The following KCNH8 variants were observed in gnomAD, a reference collection of about 807,000 sequenced individuals.
KCNH8 encodes the protein potassium voltage-gated channel subfamily H member 8, also known as voltage-gated delayed rectifier potassium channel KCNH8.
In KCNH8, 70 loss-of-function variants were observed where a neutral mutation model predicts 103.6. The ratio of observed to expected loss-of-function variants is 0.68; its 90% confidence interval spans 0.56 to 0.82. The LOEUF is 0.82. Among genes scored for constraint, KCNH8 ranks in the 40% least tolerant of loss-of-function variants. The probability of loss-of-function intolerance (pLI) is 0.00; values close to 1 mark genes in which losing one functional copy is unlikely to be tolerated. For synonymous variants in KCNH8, 498 were observed against 489.4 expected (o/e 1.02, Z -0.23); for missense variants, 1,217 against 1,329.9 (o/e 0.92, Z 1.32).
chr3:19,278,493 T>A (rs1045684450), intron 2 of KCNH8, among the ~76,000 whole-genome samples: 9 of 60,608 alleles, frequency 1.5e-4, no homozygotes, highest in Non-Finnish European at 2.7e-4. Flanking sequence ...AGGAGGGAAA[T>A]GAGGAAGGGA....
intron 15 of KCNH8, among the ~76,000 whole-genome samples, chr3:19,520,016 A>C: frequency 6.6e-6 from 1 of 151,926 alleles, no homozygotes; most frequent in Non-Finnish European, 1.5e-5. Context: ...TTAACAAAAA[A>C]AAAAAATTAC....
intron 6 of KCNH8, among the ~76,000 whole-genome samples, chr3:19,392,381 CT>C (rs1409628163): frequency 6.6e-6 from 1 of 150,746 alleles, no homozygotes; most frequent in African/African-American, 2.4e-5. Context: ...ACTTGTTCTG[CT>C]TTTCACAGGA....
At chr3:19,190,017 T>C (rs1271442031) in intron 1 of KCNH8, among the ~76,000 whole-genome samples, 1 of 151,916 alleles carries the variant, frequency 6.6e-6, no homozygotes, top group Non-Finnish European at 1.5e-5. Flanking sequence ...TTGGGCAAAA[T>C]TGATCTAGTG....
chr3:19,180,181 AC>A, intron 1 of KCNH8, among the ~76,000 whole-genome samples: 1 of 151,892 alleles, frequency 6.6e-6, no homozygotes, highest in Non-Finnish European at 1.5e-5. Flanking sequence ...AACTATTTCA[AC>A]CCTTTACCTA....
At chr3:19,406,432 T>A (rs1363006600) in intron 7 of KCNH8, among the ~76,000 whole-genome samples, 1 of 152,146 alleles carries the variant, frequency 6.6e-6, no homozygotes, top group Non-Finnish European at 1.5e-5. Context: ...CCAACCACTC[T>A]CCAGGTTGGA....
intron 1 of KCNH8, among the ~76,000 whole-genome samples, chr3:19,252,453 G>A (rs1010350709): frequency 5.3e-5 from 8 of 151,282 alleles, no homozygotes; most frequent in African/African-American, 1.9e-4. Flanking sequence ...GCAGTGGTGC[G>A]ATCTTGACTC....
At chr3:19,378,604 A>G (rs2066244694) in intron 5 of KCNH8, among the ~76,000 whole-genome samples, 1 of 152,202 alleles carries the variant, frequency 6.6e-6, no homozygotes, top group Non-Finnish European at 1.5e-5. Context: ...TGATTTTAGT[A>G]TTTTAAGGAA....
intron 5 of KCNH8, among the ~76,000 whole-genome samples, chr3:19,364,741 G>A (rs1039603731): frequency 3.9e-5 from 6 of 152,108 alleles, no homozygotes; most frequent in Non-Finnish European, 8.8e-5. Context: ...TTCTTATTAA[G>A]AGCTCTCAAA....
intron 1 of KCNH8, among the ~76,000 whole-genome samples, chr3:19,227,316 G>A (rs1468387471): frequency 6.6e-6 from 1 of 152,174 alleles, no homozygotes; most frequent in Non-Finnish European, 1.5e-5. Context: ...TAATGAGCCA[G>A]TATTTTATCC....
chr3:19,159,415 A>G (rs923015939), intron 1 of KCNH8, among the ~76,000 whole-genome samples: 4 of 152,050 alleles, frequency 2.6e-5, no homozygotes, highest in African/African-American at 9.6e-5. Flanking sequence ...CTTTTCTTGG[A>G]CGTGTATATT....
intron 5 of KCNH8, among the ~76,000 whole-genome samples, chr3:19,377,554 T>C (rs2066227299): frequency 6.6e-6 from 1 of 152,234 alleles, no homozygotes; most frequent in Non-Finnish European, 1.5e-5. Context: ...TAGCTAAATC[T>C]GGCAAGTATA....
intron 7 of KCNH8, among the ~76,000 whole-genome samples, chr3:19,411,873 T>C (rs1466714466): frequency 1.3e-5 from 2 of 151,800 alleles, no homozygotes; most frequent in East Asian, 1.9e-4. Context: ...AATGAAACCA[T>C]AGATGACACA....
At chr3:19,531,091 C>G (rs2069153769) in intron 15 of KCNH8, among the ~76,000 whole-genome samples, 1 of 152,180 alleles carries the variant, frequency 6.6e-6, no homozygotes, top group Non-Finnish European at 1.5e-5. Context: ...GAGACTGTGC[C>G]TTTATTTAAT....
chr3:19,407,199 T>C (rs2066705481), intron 7 of KCNH8, among the ~76,000 whole-genome samples: 2 of 152,162 alleles, frequency 1.3e-5, no homozygotes, highest in African/African-American at 4.8e-5. Context: ...AAAGATAATA[T>C]TTACAACAAG....
At position 19,363,919 on chromosome 3, in the gene KCNH8, A is replaced by G. The variant is rs994089454; in HGVS notation, c.811+15954A>G. 9.9e-5 allele frequency among the ~76,000 whole-genome samples: 15 copies of G among 152,156 alleles called. 1 individual carries two copies. Among genetic ancestry groups the G allele is most frequent in the Admixed American group, 5.9e-4 (9 of 15,260 alleles). ...TTAAAGATACTGACTTGGATACTGAAGGCAAAGACATCTAATAATAAATAA... is the reference window on the plus strand; with the variant it reads ...TTAAAGATACTGACTTGGATACTGAGGGCAAAGACATCTAATAATAAATAA... On this transcript the variant is annotated intron_variant, in intron 5 of 15. Coordinates refer to ENST00000328405, the MANE Select transcript of KCNH8 (RefSeq NM_144633.3).
chr3:19,166,351 AAG>A (rs2063283414), intron 1 of KCNH8, among the ~76,000 whole-genome samples: 1 of 152,222 alleles, frequency 6.6e-6, no homozygotes, highest in Admixed American at 6.5e-5. Context: ...GTTATCAAAA[AAG>A]AGTTCTGATA....
At position 19,513,182 on chromosome 3, in the gene KCNH8, C is replaced by T. The variant is rs2068815324; in HGVS notation, c.2292C>T (p.His764=). Residue 764 remains histidine (H), a synonymous_variant, in exon 13 of 16, where the codon CAC becomes CAT. Transcript: ENST00000328405. ...KQLASGTVPF[H]SPIRVSRSNS... ...TGGCCTCGGGAACGGTGCCCTTTCA[C>T]TCGCCTATCAGAGTCTCCAGGTCAA... 1 of 1,613,838 alleles carries T rather than the reference C, an allele frequency of 6.2e-7. No individual in the cohort carries two copies. Among genetic ancestry groups the T allele is most frequent in the African/African-American group, 1.3e-5 (1 of 74,900 alleles).
At chr3:19,293,617 A>G (rs888741317) in intron 3 of KCNH8, among the ~76,000 whole-genome samples, 1 of 152,198 alleles carries the variant, frequency 6.6e-6, no homozygotes, top group Non-Finnish European at 1.5e-5. Flanking sequence ...CCAACCATCC[A>G]GATTAAGCTA....
At chr3:19,483,901 TTTTA>T (rs1246627869) in intron 11 of KCNH8, among the ~76,000 whole-genome samples, 1 of 152,152 alleles carries the variant, frequency 6.6e-6, no homozygotes, top group African/African-American at 2.4e-5. Context: ...ACTGGATCAT[TTTTA>T]TTTTTTATTC....
Sources: gnomAD v4.1 joint callset for allele counts (sites outside exome capture counted in the v4.1 genomes callset) on GRCh38, gnomAD v4.1.1 for gene constraint, MANE v1.5 for transcripts, NCBI Gene and HGNC (gene_info 2026-07-23, HGNC 2026-07-21) for gene names.